Variants in GALNT18 observed in about 807,000 individuals in gnomAD.
GALNT18 encodes the protein polypeptide N-acetylgalactosaminyltransferase 18, also known as GalNAc-transferase 18.
A neutral mutation model predicts 69.5 loss-of-function variants in GALNT18; 44 were observed. The ratio of observed to expected loss-of-function variants is 0.63; its 90% CI spans 0.50 to 0.81. The LOEUF (loss-of-function observed/expected upper bound fraction) is 0.81, where lower values mean the gene tolerates loss of function less well. GALNT18 is among the 40% of genes least tolerant of loss of function. The pLI is 0.00. For missense variants in GALNT18, 715 were observed against 810.0 expected (o/e 0.88, Z 1.42); for synonymous variants, 364 against 318.2 (o/e 1.14, Z -1.53).
At chr11:11,566,238 C>T (rs1054775478) in intron 1 of GALNT18, among the ~76,000 whole-genome samples, 2 of 152,256 alleles carry the variant, frequency 1.3e-5, no homozygotes, top group Middle Eastern at 6.8e-3. Flanking sequence ...AATATACAGC[C>T]TTTCTCCCAA....
chr11:11,550,378 T>G (rs1241827051), intron 1 of GALNT18, among the ~76,000 whole-genome samples: 3 of 152,230 alleles, frequency 2.0e-5, no homozygotes, highest in Admixed American at 6.5e-5. Context: ...GTTTTCCAAC[T>G]GGACACATTG....
rs1244264162 is a variant in GALNT18, at chr11:11,543,394, G to A, written c.235+77965C>T. 6.6e-6 allele frequency among the ~76,000 whole-genome samples: 1 copy of A among 152,166 alleles called. No individual in the cohort carries two copies. Among genetic ancestry groups the A allele is most frequent in the African/African-American group, 2.4e-5 (1 of 41,438 alleles). On this transcript the variant is annotated intron_variant, in intron 1 of 10. Transcript: ENST00000227756. This position sits in a 1 kb window ranked among gnomAD's most constrained non-coding sequence, Gnocchi z 5.1. The stretch of plus-strand genomic sequence containing the variant: ...TGACAGGGACGTGGTGAGGACAAAG[G>A]AGCCTCGATGGAGACCCACTCTGGA...
intron 6 of GALNT18, chr11:11,352,744 G>A (rs1417183401): frequency 1.9e-6 from 3 of 1,614,100 alleles, no homozygotes; most frequent in African/African-American, 1.3e-5. Flanking sequence ...GTTAACGTCT[G>A]GTACAATTGC....
chr11:11,289,004 C>T (rs1454341125), intron 10 of GALNT18, among the ~76,000 whole-genome samples: 1 of 152,162 alleles, frequency 6.6e-6, no homozygotes, highest in Non-Finnish European at 1.5e-5. Flanking sequence ...CCAGTAAAAG[C>T]TCCTTTCAGC....
rs79787310 is a variant in GALNT18 at position 11,312,939 on chromosome 11, G to A, written c.1512+14147C>T. On this transcript the variant is annotated intron_variant, in intron 9 of 10. Coordinates refer to ENST00000227756, the MANE Select transcript of GALNT18 (RefSeq NM_198516.3). ...CTGGAGGAACTCACCATCTAGTGGT[G>A]GAGAAAGACCATCAGGTGTAACAAT... 1.3e-3 allele frequency among the ~76,000 whole-genome samples: 197 copies of A among 152,242 alleles called. 1 individual carries two copies. The highest frequency in any genetic ancestry group is 2.2e-3 in the Non-Finnish European group (153 of 68,028).
intron 7 of GALNT18, among the ~76,000 whole-genome samples, chr11:11,335,933 A>G (rs537948420): frequency 6.6e-5 from 10 of 152,290 alleles, no homozygotes; most frequent in Admixed American, 4.6e-4. Flanking sequence ...CAGAACTGGG[A>G]GAGAATAAAT....
At chr11:11,468,145 C>G (rs1856190977) in intron 1 of GALNT18, among the ~76,000 whole-genome samples, 1 of 152,196 alleles carries the variant, frequency 6.6e-6, no homozygotes, top group South Asian at 2.1e-4. Flanking sequence ...TGGTAAAATA[C>G]CATGCCTTCT....
chr11:11,526,271 C>T (rs1044979262), intron 1 of GALNT18, among the ~76,000 whole-genome samples: 1 of 152,094 alleles, frequency 6.6e-6, no homozygotes, highest in South Asian at 2.1e-4. Flanking sequence ...GCCATGGGCC[C>T]GGCCATGGAT....
At chr11:11,350,240 C>T (rs1350133074) in intron 6 of GALNT18, among the ~76,000 whole-genome samples, 2 of 152,242 alleles carry the variant, frequency 1.3e-5, no homozygotes, top group Non-Finnish European at 2.9e-5. Flanking sequence ...TCATTCTCAG[C>T]AAACTGGCCC....
chr11:11,406,111 T>C lies in GALNT18; in HGVS notation c.595+26510A>G, dbSNP rs180955017. On this transcript the variant is annotated intron_variant, in intron 3 of 10. Coordinates refer to ENST00000227756, the MANE Select transcript of GALNT18 (RefSeq NM_198516.3). ...ATTGTGATTTTCTCCTTGTGAACTG[T>C]GTAACTTATATCATCATCTTAATAA... Among the ~76,000 whole-genome samples, 132 of 152,316 alleles carry C rather than the reference T, an allele frequency of 8.7e-4. 2 individuals carry two copies. The Middle Eastern group carries it at 0.017, about 20-fold the overall frequency.
At chr11:11,588,751 TTTA>T (rs1859283797) in intron 1 of GALNT18, among the ~76,000 whole-genome samples, 1 of 152,204 alleles carries the variant, frequency 6.6e-6, no homozygotes, top group African/African-American at 2.4e-5. Flanking sequence ...AGCTCCTGCA[TTTA>T]TTGAGAGTGA....
intron 3 of GALNT18, among the ~76,000 whole-genome samples, chr11:11,385,625 G>T (rs1297884345): frequency 3.3e-5 from 5 of 152,096 alleles, no homozygotes; most frequent in Non-Finnish European, 7.4e-5. Context: ...CATGAGATTT[G>T]GTGGGGACAA....
rs1421897842 is a variant in GALNT18 at position 11,309,087 on chromosome 11, G to A, written c.1513-15894C>T. On this transcript the variant is annotated intron_variant, in intron 9 of 10. Transcript: ENST00000227756. This position sits in a 1 kb window ranked among gnomAD's most constrained non-coding sequence, Gnocchi z 4.6. ...CCTAATGGAAGGTGTTTGGATCACTGGAGCACTGCCCTCATGAATGGATTA... is the reference window on the plus strand; with the variant it reads ...CCTAATGGAAGGTGTTTGGATCACTAGAGCACTGCCCTCATGAATGGATTA... 2.6e-5 allele frequency among the ~76,000 whole-genome samples: 4 copies of A among 151,856 alleles called. No homozygotes were observed. The highest frequency in any genetic ancestry group is 2.9e-5 in the Non-Finnish European group (2 of 67,924).
chr11:11,480,282 C>A lies in GALNT18; in HGVS notation c.236-31346G>T, dbSNP rs1856497618. On this transcript the variant is annotated intron_variant, in intron 1 of 10. Transcript: ENST00000227756. This position sits in a 1 kb window ranked among gnomAD's most constrained non-coding sequence, Gnocchi z 4.6. ...TCTCTCTCTTTCTCTCTCTCTCGCC[C>A]CCCTCGCCCCAACCTCAGTCATATC... 6.6e-6 allele frequency among the ~76,000 whole-genome samples: 1 copy of A among 152,034 alleles called. No homozygotes were observed. The highest frequency in any genetic ancestry group is 1.5e-5 in the Non-Finnish European group (1 of 68,008).
chr11:11,467,318 A>C (rs1406640476), intron 1 of GALNT18, among the ~76,000 whole-genome samples: 1 of 152,232 alleles, frequency 6.6e-6, no homozygotes, highest in Non-Finnish European at 1.5e-5. Context: ...CCATGGCCAG[A>C]AATCTTCCCA....
chr11:11,288,828 A>C (rs1203577992), intron 10 of GALNT18, among the ~76,000 whole-genome samples: 4 of 151,860 alleles, frequency 2.6e-5, no homozygotes, highest in Non-Finnish European at 5.9e-5. Flanking sequence ...GAGATGGAAC[A>C]CTAAGATATG....
At chr11:11,528,361 C>T (rs1857565450) in intron 1 of GALNT18, among the ~76,000 whole-genome samples, 1 of 152,094 alleles carries the variant, frequency 6.6e-6, no homozygotes, top group Non-Finnish European at 1.5e-5. Context: ...AGAGTTTGGG[C>T]CTCTTACTTC....
chr11:11,293,049 G>A lies in GALNT18; in HGVS notation c.1657C>T (p.Leu553Phe), dbSNP rs745424620. Residue 553 changes from leucine (L) to phenylalanine (F), a missense_variant, in exon 10 of 11, where the codon CTT becomes TTT. Physicochemically the swap from Leu to Phe is conservative, Grantham distance 22. Coordinates refer to ENST00000227756, the MANE Select transcript of GALNT18 (RefSeq NM_198516.3). ...GTTACCTGAGAGAACTGCCAGTGAA[G>A]CTTCATCCTCTTGGCTTTGGCGTAG... ...CSYAKAKRMKLHWQFSQGGPI... is the reference protein window; with the variant it reads ...CSYAKAKRMKFHWQFSQGGPI... 1 of 1,388,108 alleles carries A rather than the reference G, an allele frequency of 7.2e-7. No individual in the cohort carries two copies. The highest frequency in any genetic ancestry group is 2.8e-5 in the East Asian group (1 of 36,182). The allele number at this position is 1,388,108 out of a possible 1,614,324, so 86.0% of individuals were successfully genotyped here. A position where few individuals can be genotyped will look rare whatever the true frequency, so the allele number is the denominator to read the frequency against.
At chr11:11,351,895 G>C (rs766936523) in intron 6 of GALNT18, 18 of 1,392,236 alleles carry the variant, frequency 1.3e-5, no homozygotes, top group Non-Finnish European at 1.8e-5. Context: ...ATCAAGGAGG[G>C]GGTGGACTCC....
Sources: gnomAD v4.1 joint callset for allele counts (sites outside exome capture counted in the v4.1 genomes callset) on GRCh38, gnomAD v4.1.1 for gene constraint, Gnocchi (gnomAD v3.1) non-coding constraint, MANE v1.5 for transcripts, NCBI Gene and HGNC (gene_info 2026-07-23, HGNC 2026-07-21) for gene names.